The following RNF182 variants were observed in gnomAD, a reference collection of about 807,000 sequenced individuals.
The protein encoded by RNF182 is E3 ubiquitin-protein ligase RNF182.
A neutral mutation model predicts 14.4 loss-of-function variants in RNF182; 15 were observed. That is an observed-to-expected ratio of 1.04 (90% CI 0.70 to 1.60). The LOEUF is 1.60. Among genes scored for constraint, RNF182 ranks in the 40% most tolerant of loss-of-function variants. RNF182 has a pLI of 0.00. For missense variants in RNF182, 268 were observed against 294.8 expected, an observed-to-expected ratio of 0.91 and a Z score of 0.67; for synonymous variants, 128 against 122.9, an observed-to-expected ratio of 1.04 and a Z score of -0.27.
At position 13,968,540 on chromosome 6, in the gene RNF182, C is replaced by T. The variant is rs559645805; in HGVS notation, c.-366-5670C>T. ...AAACTGTTCCAGAAGATGAATAGCT[C>T]GTGTTTCACTTATAAAATAAGCATA... On this transcript the variant is annotated intron_variant, in intron 1 of 2. Transcript: ENST00000488300. Among the ~76,000 whole-genome samples, 4 of 152,238 alleles carry T rather than the reference C, an allele frequency of 2.6e-5. No individual in the cohort carries two copies. In the East Asian group the frequency reaches 5.8e-4, roughly 22 times the overall value.
intron 1 of RNF182, among the ~76,000 whole-genome samples, chr6:13,953,952 A>C (rs1177585307): frequency 6.6e-6 from 1 of 152,224 alleles, no homozygotes; most frequent in Non-Finnish European, 1.5e-5. Context: ...GAAACAAAGC[A>C]TCCATGAGCA....
intron 2 of RNF182, among the ~76,000 whole-genome samples, chr6:13,974,683 T>C (rs891315335): frequency 1.3e-5 from 2 of 152,234 alleles, no homozygotes; most frequent in Admixed American, 6.5e-5. Context: ...ACCTGCTGAC[T>C]GTCAAATGCT....
intron 1 of RNF182, among the ~76,000 whole-genome samples, chr6:13,956,536 G>T (rs1055302238): frequency 7.2e-5 from 11 of 152,110 alleles, no homozygotes; most frequent in Non-Finnish European, 1.6e-4. Context: ...TGTTGGCCAG[G>T]TTGGTCTCAA....
intron 1 of RNF182, among the ~76,000 whole-genome samples, chr6:13,963,927 G>T (rs552776484): frequency 2.6e-5 from 4 of 152,236 alleles, no homozygotes; most frequent in African/African-American, 9.6e-5. Context: ...AGGGCAAAGA[G>T]TATTTAGGGG....
chr6:13,932,782 A>T (rs945832123), intron 1 of RNF182, among the ~76,000 whole-genome samples: 2 of 152,218 alleles, frequency 1.3e-5, no homozygotes, highest in African/African-American at 4.8e-5. Context: ...AATTGTGTAC[A>T]GGCTGTTCCA....
intron 1 of RNF182, among the ~76,000 whole-genome samples, chr6:13,970,785 C>T (rs1047500105): frequency 3.3e-5 from 5 of 152,190 alleles, no homozygotes; most frequent in Middle Eastern, 3.4e-3. Context: ...AATTAATGGA[C>T]TTACATACAG....
chr6:13,973,499 C>T (rs1213325364), intron 1 of RNF182, among the ~76,000 whole-genome samples: 2 of 152,156 alleles, frequency 1.3e-5, no homozygotes, highest in Non-Finnish European at 2.9e-5. Context: ...ATGTCAAGGG[C>T]AGGGCCAGGT....
chr6:13,963,052 T>G (rs280184), intron 1 of RNF182, among the ~76,000 whole-genome samples: 1 of 152,008 alleles, frequency 6.6e-6, no homozygotes, highest in South Asian at 2.1e-4. Flanking sequence ...GATACTTCAA[T>G]GGATGTTCAT....
At chr6:13,927,169 A>G (rs1158268176) in intron 1 of RNF182, among the ~76,000 whole-genome samples, 1 of 152,224 alleles carries the variant, frequency 6.6e-6, no homozygotes, top group Non-Finnish European at 1.5e-5. Context: ...GCTCCGAAGC[A>G]TGAAATGAAG....
At position 13,930,044 on chromosome 6, in the gene RNF182, T is replaced by C. The variant is rs280144; in HGVS notation, c.-367+5021T>C. Among the ~76,000 whole-genome samples the C allele has an allele frequency of 5.0e-3, 761 of 152,318 alleles. 4 individuals are homozygous for C. The highest frequency in any genetic ancestry group is 7.9e-3 in the Non-Finnish European group (536 of 68,020). On this transcript the variant is annotated intron_variant, in intron 1 of 2. Transcript: ENST00000488300. ...TATTCGTATTCATATATTAAAAGAA[T>C]ATAGTCAGCCTTGCATATCTGCAGG...
chr6:13,969,105 TTTGTTG>T (rs57502789), intron 1 of RNF182, among the ~76,000 whole-genome samples: 290 of 151,168 alleles, frequency 1.9e-3, no homozygotes, highest in African/African-American at 5.8e-3. Flanking sequence ...GTCTCTGTTT[TTTGTTG>T]TTGTTGTTGT....
intron 1 of RNF182, among the ~76,000 whole-genome samples, chr6:13,968,747 T>C (rs538509791): frequency 6.6e-6 from 1 of 152,324 alleles, no homozygotes; most frequent in South Asian, 2.1e-4. Context: ...TAAATAAATA[T>C]GTCTGATGAC....
chr6:13,949,004 G>T, intron 1 of RNF182: 1 of 439,892 alleles, frequency 2.3e-6, no homozygotes. Context: ...AAATCATACG[G>T]ACAAAATCTA....
chr6:13,938,136 A>C (rs1406005759), intron 1 of RNF182, among the ~76,000 whole-genome samples: 5 of 142,940 alleles, frequency 3.5e-5, no homozygotes, highest in Admixed American at 2.1e-4. Flanking sequence ...CGTAACTGGG[A>C]CTACAGGCGC....
intron 1 of RNF182, among the ~76,000 whole-genome samples, chr6:13,954,122 T>C (rs557389176): frequency 9.8e-5 from 15 of 152,350 alleles, no homozygotes; most frequent in Non-Finnish European, 2.2e-4. Context: ...TGGCCAATCT[T>C]GCTTCATTTA....
At chr6:13,967,091 G>A (rs1169390203) in intron 1 of RNF182, among the ~76,000 whole-genome samples, 1 of 151,988 alleles carries the variant, frequency 6.6e-6, no homozygotes, top group Non-Finnish European at 1.5e-5. Context: ...ACCTATCTTG[G>A]CCTCCCAAAG....
At position 13,977,233 on chromosome 6, in the gene RNF182, G is replaced by T; in HGVS notation, c.114G>T (p.Glu38Asp). ...AACAGAGGAAACCCAAAGTGCTGGA[G>T]TGTTGTCATAGGGTTTGTGCCAAAT... ...NLKQRKPKVL[E>D]CCHRVCAKCL... is the part of the protein sequence containing the mutation. The change falls in exon 3 of 3, where the codon GAG (glutamate) becomes GAT (aspartate). Residue 38 changes from glutamate (E) to aspartate (D), a missense_variant. Glu to Asp is a conservative substitution (Grantham distance 45). Coordinates refer to ENST00000488300, the MANE Select transcript of RNF182 (RefSeq NM_152737.4). The T allele has an allele frequency of 1.2e-6, 2 of 1,614,208 alleles. No individual in the cohort carries two copies. Among genetic ancestry groups the T allele is most frequent in the Non-Finnish European group, 1.7e-6 (2 of 1,180,032 alleles).
chr6:13,968,086 G>T (rs1431659883), intron 1 of RNF182, among the ~76,000 whole-genome samples: 3 of 152,038 alleles, frequency 2.0e-5, no homozygotes, highest in Non-Finnish European at 4.4e-5. Context: ...AAATTAGAGG[G>T]AATAATAAAG....
intron 1 of RNF182, among the ~76,000 whole-genome samples, chr6:13,959,986 A>G (rs1183891822): frequency 6.6e-6 from 1 of 151,828 alleles, no homozygotes; most frequent in Non-Finnish European, 1.5e-5. Flanking sequence ...GAGTTCTAAC[A>G]TCTAGAGATT....
Sources: gnomAD v4.1 joint callset for allele counts (sites outside exome capture counted in the v4.1 genomes callset) on GRCh38, gnomAD v4.1.1 for gene constraint, MANE v1.5 for transcripts, NCBI Gene and HGNC (gene_info 2026-07-23, HGNC 2026-07-21) for gene names.